Variants in ESRRG observed in about 807,000 individuals in gnomAD.
ESRRG encodes estrogen related receptor gamma.
In ESRRG, 13 loss-of-function variants were observed where a neutral mutation model predicts 44.0. The observed-to-expected ratio is 0.30, with a 90% CI of 0.19 to 0.47. The LOEUF is 0.47. Ranked by LOEUF, ESRRG falls within the 20% of genes least tolerant of loss-of-function variation. The probability of loss-of-function intolerance (pLI) is 1.00; values close to 1 mark genes in which losing one functional copy is unlikely to be tolerated. For missense variants in ESRRG, 395 were observed against 580.6 expected, an observed-to-expected ratio of 0.68 and a Z score of 3.29; for synonymous variants, 215 against 214.6, an observed-to-expected ratio of 1.00 and a Z score of -0.02.
chr1:216,791,935 T>C (rs2094332905), intron 2 of ESRRG, among the ~76,000 whole-genome samples: 1 of 152,094 alleles, frequency 6.6e-6, no homozygotes, highest in South Asian at 2.1e-4. Context: ...TCTTTTCTTT[T>C]CCACAAAAAT....
chr1:216,853,231 A>G (rs896127166), intron 2 of ESRRG, among the ~76,000 whole-genome samples: 5 of 152,176 alleles, frequency 3.3e-5, no homozygotes, highest in African/African-American at 4.8e-5. Flanking sequence ...ACTGGTAGCA[A>G]AGAAAAATGA....
At chr1:216,771,256 G>A (rs1289036619) in intron 2 of ESRRG, among the ~76,000 whole-genome samples, 1 of 152,004 alleles carries the variant, frequency 6.6e-6, no homozygotes, top group Non-Finnish European at 1.5e-5. Context: ...TTTTATATTA[G>A]TTTTATTCAT....
At chr1:217,123,982 C>T (rs933508226) in intron 1 of ESRRG, among the ~76,000 whole-genome samples, 2 of 152,152 alleles carry the variant, frequency 1.3e-5, no homozygotes, top group African/African-American at 4.8e-5. Flanking sequence ...CTGGAATAAG[C>T]TTTCTCTAAT....
intron 5 of ESRRG, among the ~76,000 whole-genome samples, chr1:216,561,507 A>G (rs993530682): frequency 6.6e-6 from 1 of 152,082 alleles, no homozygotes; most frequent in Non-Finnish European, 1.5e-5. Context: ...CAAGAACACA[A>G]TTTCACTTTT....
chr1:216,896,222 C>T (rs569299940), intron 2 of ESRRG, among the ~76,000 whole-genome samples: 1 of 152,300 alleles, frequency 6.6e-6, no homozygotes, highest in East Asian at 1.9e-4. Context: ...AGAAGAACTA[C>T]TCATGTTACT....
chr1:216,559,885 C>A (rs1053568486), intron 5 of ESRRG, among the ~76,000 whole-genome samples: 5 of 152,118 alleles, frequency 3.3e-5, no homozygotes, highest in African/African-American at 9.7e-5. Context: ...ACATGCTTGG[C>A]TATTCTTTTC....
chr1:216,608,684 C>T (rs1368155329), intron 3 of ESRRG, among the ~76,000 whole-genome samples: 1 of 152,126 alleles, frequency 6.6e-6, no homozygotes, highest in Non-Finnish European at 1.5e-5. Flanking sequence ...TAATTTAATC[C>T]ACCTTTTCAA....
intron 2 of ESRRG, among the ~76,000 whole-genome samples, chr1:216,898,735 G>T (rs2576205): frequency 2.0e-5 from 3 of 151,364 alleles, no homozygotes; most frequent in Non-Finnish European, 4.4e-5. Context: ...ATCATTTAGT[G>T]TTTAGAATTT....
chr1:216,642,508 C>A (rs1284008720), intron 3 of ESRRG, among the ~76,000 whole-genome samples: 1 of 152,068 alleles, frequency 6.6e-6, no homozygotes, highest in Non-Finnish European at 1.5e-5. Flanking sequence ...ACGAAGCTCA[C>A]AGAGAAGGTG....
chr1:216,628,967 C>T (rs984850958), intron 3 of ESRRG, among the ~76,000 whole-genome samples: 6 of 152,160 alleles, frequency 3.9e-5, no homozygotes, highest in Non-Finnish European at 7.4e-5. Context: ...CAATGACTGA[C>T]CTCTCCACTT....
At chr1:216,666,852 A>C (rs2074039722) in intron 2 of ESRRG, among the ~76,000 whole-genome samples, 1 of 152,136 alleles carries the variant, frequency 6.6e-6, no homozygotes, top group Admixed American at 6.5e-5. Context: ...AAACAATACA[A>C]ACTTCCTTCT....
chr1:216,757,908 C>G (rs1292693667), intron 2 of ESRRG, among the ~76,000 whole-genome samples: 1 of 151,974 alleles, frequency 6.6e-6, no homozygotes, highest in African/African-American at 2.4e-5. Flanking sequence ...AGATAGTACT[C>G]TTTAATACAG....
At chr1:216,739,652 G>C (rs2090417502) in intron 2 of ESRRG, among the ~76,000 whole-genome samples, 1 of 152,170 alleles carries the variant, frequency 6.6e-6, no homozygotes, top group Non-Finnish European at 1.5e-5. Flanking sequence ...AAGTCCTCCA[G>C]GTGATTCTGA....
intron 1 of ESRRG, among the ~76,000 whole-genome samples, chr1:216,705,101 G>A (rs974584063): frequency 5.3e-5 from 8 of 152,122 alleles, no homozygotes; most frequent in South Asian, 2.1e-4. Flanking sequence ...GTTTACAATC[G>A]CTTTAAGTAT....
intron 1 of ESRRG, among the ~76,000 whole-genome samples, chr1:217,125,987 C>T (rs1009678430): frequency 7.9e-5 from 12 of 152,142 alleles, no homozygotes; most frequent in African/African-American, 2.7e-4. Context: ...CTACATTTTA[C>T]ACAAATAACC....
chr1:216,893,131 T>C (rs1273283926), intron 2 of ESRRG, among the ~76,000 whole-genome samples: 2 of 152,174 alleles, frequency 1.3e-5, no homozygotes, highest in Admixed American at 6.5e-5. Context: ...AAAACAAATA[T>C]GGGACCGGCT....
chr1:217,066,663 A>G (rs1037398379), intron 1 of ESRRG, among the ~76,000 whole-genome samples: 1 of 152,202 alleles, frequency 6.6e-6, no homozygotes, highest in Admixed American at 6.5e-5. Context: ...TTCTCGGCCT[A>G]GGCACTGTTG....
intron 2 of ESRRG, among the ~76,000 whole-genome samples, chr1:216,827,647 C>T (rs6686329): frequency 5.9e-5 from 9 of 151,990 alleles, no homozygotes; most frequent in East Asian, 1.9e-4. Context: ...AGTTTGTATA[C>T]GTATTCTATC....
chr1:216,694,703 C>T lies in ESRRG; in HGVS notation c.57-17212G>A, dbSNP rs921198371. Among the ~76,000 whole-genome samples the T allele has an allele frequency of 3.3e-5, 5 of 152,012 alleles. No homozygotes were observed. The East Asian group carries it at 7.8e-4, about 24-fold the overall frequency. ...CCCCGAGTACCAGGGATTACAGGTG[C>T]GTGCCACCACACCTGGCTAATTTTT... On this transcript the variant is annotated intron_variant, in intron 1 of 6. Coordinates refer to ENST00000408911, the MANE Select transcript of ESRRG (RefSeq NM_001438.4).
Sources: allele counts gnomAD v4.1 joint callset (sites outside exome capture counted in the v4.1 genomes callset), GRCh38; gene constraint gnomAD v4.1.1; transcripts MANE v1.5; gene names NCBI Gene and HGNC (gene_info 2026-07-23, HGNC 2026-07-21).